The following EFR3A variants were observed in gnomAD, a reference collection of about 807,000 sequenced individuals.
EFR3A encodes protein EFR3 homolog A.
EFR3A carries 76 observed loss-of-function variants against 104.4 expected under a neutral mutation model. The ratio of observed to expected loss-of-function variants is 0.73; its 90% CI spans 0.60 to 0.88. The LOEUF is 0.88. Among genes scored for constraint, EFR3A ranks in the 40% least tolerant of loss-of-function variants. EFR3A has a pLI of 0.00. For synonymous variants in EFR3A, 330 were observed against 330.0 expected (o/e 1.00, Z 0.00); for missense variants, 985 against 1,012.5 (o/e 0.97, Z 0.37).
At chr8:131,924,275 G>T in intron 1 of EFR3A, 1 of 211,498 alleles carries the variant, frequency 4.7e-6, no homozygotes, top group Non-Finnish European at 1.0e-5. Flanking sequence ...CCTTGACTCG[G>T]CATTTTTCTT....
intron 22 of EFR3A, among the ~76,000 whole-genome samples, chr8:132,009,248 A>G (rs1822200019): frequency 6.6e-6 from 1 of 152,114 alleles, no homozygotes; most frequent in African/African-American, 2.4e-5. Context: ...GAAACTATAT[A>G]TCTCTGAAAT....
chr8:131,953,798 C>CTTTTT lies in EFR3A; in HGVS notation c.489-9_489-5dup. On this transcript the variant is annotated intron_variant, in intron 5 of 22. Coordinates refer to ENST00000254624, the MANE Select transcript of EFR3A (RefSeq NM_015137.6). The stretch of plus-strand genomic sequence containing the variant: ...AATTTTTTTATGGCTCATTTTCTTC[C>CTTTTT]TTTTTTTTTTTTTTTATAGGATACG... The CTTTTT allele has an allele frequency of 2.9e-6, 4 of 1,360,082 alleles. No individual in the cohort carries two copies. Among genetic ancestry groups the CTTTTT allele is most frequent in the South Asian group, 1.5e-5 (1 of 65,958 alleles). 84.3% of individuals were successfully genotyped at this position (1,360,082 alleles called of 1,614,324 possible). A position where few individuals can be genotyped will look rare whatever the true frequency, so the allele number is the denominator to read the frequency against.
chr8:131,936,449 G>A (rs1474721086), intron 1 of EFR3A, among the ~76,000 whole-genome samples: 1 of 151,966 alleles, frequency 6.6e-6, no homozygotes. Flanking sequence ...CCCACAGGTT[G>A]AGGGCTCTGT....
rs554515224 is a variant in EFR3A, at chr8:132,004,377, G to A, written c.2360+1092G>A. Among the ~76,000 whole-genome samples, 411 of 152,262 alleles carry A rather than the reference G, an allele frequency of 2.7e-3. 3 individuals are homozygous for A. The highest frequency in any genetic ancestry group is 9.5e-3 in the African/African-American group (396 of 41,534). On this transcript the variant is annotated intron_variant, in intron 22 of 22. Transcript: ENST00000254624. ...GCTCCGCTTCCTGTCAGATCAGCGC[G>A]GCATTAGATTCTCATAGGAGCAGGA...
intron 1 of EFR3A, among the ~76,000 whole-genome samples, chr8:131,914,738 T>A (rs1816668472): frequency 6.6e-6 from 1 of 152,098 alleles, no homozygotes; most frequent in Non-Finnish European, 1.5e-5. Context: ...ATTGTATTGT[T>A]GTAATATTAT....
chr8:131,942,280 T>TA (rs1818203229), intron 2 of EFR3A, among the ~76,000 whole-genome samples: 1 of 152,136 alleles, frequency 6.6e-6, no homozygotes. Flanking sequence ...ACCTTGAATA[T>TA]ATATGGCAAA....
intron 1 of EFR3A, among the ~76,000 whole-genome samples, chr8:131,918,993 A>G (rs1229070815): frequency 1.3e-5 from 2 of 152,226 alleles, no homozygotes; most frequent in Non-Finnish European, 1.5e-5. Context: ...CTTTATGCTC[A>G]TAATGGTAAC....
At chr8:131,908,394 G>C (rs568975806) in intron 1 of EFR3A, among the ~76,000 whole-genome samples, 1 of 152,230 alleles carries the variant, frequency 6.6e-6, no homozygotes, top group African/African-American at 2.4e-5. Flanking sequence ...GCAATCAACA[G>C]TTACGGTGGC....
intron 1 of EFR3A, among the ~76,000 whole-genome samples, chr8:131,931,949 G>A (rs1817631634): frequency 6.6e-6 from 1 of 151,940 alleles, no homozygotes; most frequent in Non-Finnish European, 1.5e-5. Context: ...GGTTTGCCTA[G>A]GATGGTCAAA....
intron 16 of EFR3A, among the ~76,000 whole-genome samples, 183 bp downstream of exon 16, chr8:131,985,243 T>C (rs763039374): frequency 6.6e-6 from 1 of 152,200 alleles, no homozygotes; most frequent in Non-Finnish European, 1.5e-5. Flanking sequence ...TTTTCTTAGA[T>C]GCATGTTGTT....
intron 1 of EFR3A, among the ~76,000 whole-genome samples, chr8:131,918,245 C>A (rs1816837549): frequency 6.6e-6 from 1 of 152,170 alleles, no homozygotes; most frequent in Non-Finnish European, 1.5e-5. Flanking sequence ...TGAGATCGCA[C>A]CACTGCACTC....
intron 22 of EFR3A, among the ~76,000 whole-genome samples, chr8:132,006,653 A>G (rs1187556564): frequency 2.0e-5 from 3 of 152,082 alleles, no homozygotes; most frequent in Non-Finnish European, 4.4e-5. Context: ...GGAGGTAGAA[A>G]CATTTTCTAA....
intron 10 of EFR3A, 54 bp from the exon 11 acceptor site, chr8:131,975,973 A>T (rs1820305843): frequency 1.8e-6 from 2 of 1,105,948 alleles, no homozygotes; most frequent in Non-Finnish European, 2.7e-6. Flanking sequence ...ATTTTGTATT[A>T]TATGGAAAAG....
At chr8:131,959,368 A>T (rs1485480611) in intron 7 of EFR3A, among the ~76,000 whole-genome samples, 2 of 152,188 alleles carry the variant, frequency 1.3e-5, no homozygotes, top group Non-Finnish European at 2.9e-5. Context: ...TTGTTGATTA[A>T]ATGTTCACGA....
chr8:131,953,798 CTTTTT>C lies in EFR3A; in HGVS notation c.489-9_489-5del. The C allele has an allele frequency of 7.4e-7, 1 of 1,360,032 alleles. No individual in the cohort carries two copies. The highest frequency in any genetic ancestry group is 9.7e-7 in the Non-Finnish European group (1 of 1,028,508). The allele number at this position is 1,360,032 out of a possible 1,614,324, so 84.2% of individuals were successfully genotyped here. On this transcript the variant is annotated splice_polypyrimidine_tract_variant and intron_variant, in intron 5 of 22. Transcript: ENST00000254624. ...AATTTTTTTATGGCTCATTTTCTTC[CTTTTT>C]TTTTTTTTTTATAGGATACGAATTG...
chr8:132,003,568 TAA>T (rs113680007), intron 22 of EFR3A, among the ~76,000 whole-genome samples: 5,727 of 152,252 alleles, frequency 0.038, 224 homozygotes, highest in African/African-American at 0.099. Flanking sequence ...CTGGGTAATT[TAA>T]AAAAGACCCA....
rs552206490 is a variant in EFR3A at position 132,004,292 on chromosome 8, A to G, written c.2360+1007A>G. On this transcript the variant is annotated intron_variant, in intron 22 of 22. Transcript: ENST00000254624. ...AGAGACCTGTACTGGCCCATGGCCT[A>G]TTAGGAACCAGGCTCCACAGCAGGA... Among the ~76,000 whole-genome samples, 4 of 152,352 alleles carry G rather than the reference A, an allele frequency of 2.6e-5. 1 individual carries two copies. Among genetic ancestry groups the G allele is most frequent in the African/African-American group, 7.2e-5 (3 of 41,588 alleles).
chr8:131,938,356 A>C, intron 1 of EFR3A: 1 of 396,984 alleles, frequency 2.5e-6, no homozygotes, highest in Non-Finnish European at 4.5e-6. Flanking sequence ...TGATATTTAT[A>C]AGTAGAATAT....
rs561522556 is a variant in EFR3A at position 131,909,028 on chromosome 8, C to T, written c.10+4706C>T. 3.3e-5 allele frequency among the ~76,000 whole-genome samples: 5 copies of T among 152,256 alleles called. No individual in the cohort carries two copies. In the East Asian group the frequency reaches 7.7e-4, roughly 23 times the overall value. The stretch of plus-strand genomic sequence containing the variant: ...TCTCTTCTAGCTACTTTGAAATATA[C>T]AGTACATTGTTATTAACTATAGTCA... On this transcript the variant is annotated intron_variant, in intron 1 of 22. Coordinates refer to ENST00000254624, the MANE Select transcript of EFR3A (RefSeq NM_015137.6).
Sources: allele counts gnomAD v4.1 joint callset (sites outside exome capture counted in the v4.1 genomes callset), GRCh38; gene constraint gnomAD v4.1.1; transcripts MANE v1.5; gene names NCBI Gene and HGNC (gene_info 2026-07-23, HGNC 2026-07-21).